RIPK3: variants seen among roughly 807,000 people sequenced by gnomAD.
RIPK3 encodes receptor-interacting serine/threonine-protein kinase 3.
In RIPK3, 51 loss-of-function variants were observed where a neutral mutation model predicts 51.6. The observed-to-expected ratio is 0.99, with a 90% confidence interval of 0.79 to 1.25. The LOEUF (loss-of-function observed/expected upper bound fraction) is 1.25, where lower values mean the gene tolerates loss of function less well. Among genes scored for constraint, RIPK3 ranks in the 50% most tolerant of loss-of-function variants. RIPK3 has a pLI of 0.00. For synonymous variants in RIPK3, 246 were observed against 257.7 expected (o/e 0.95, Z 0.44); for missense variants, 654 against 650.4 (o/e 1.01, Z -0.06).
rs761300931 is a variant in RIPK3 at position 24,336,949 on chromosome 14, C to T, written c.1276-4G>A. 2 of 1,613,618 alleles carry T rather than the reference C, an allele frequency of 1.2e-6. No individual in the cohort carries two copies. Among genetic ancestry groups the T allele is most frequent in the Non-Finnish European group, 1.7e-6 (2 of 1,179,662 alleles). ...TCATGCCTTGTCTCTCAGCCCCCTG[C>T]AAACAGCACAGAGCATCCAGTTCTG... On this transcript the variant is annotated splice_polypyrimidine_tract_variant and splice_region_variant and intron_variant, in intron 8 of 9. Coordinates refer to ENST00000216274, the MANE Select transcript of RIPK3 (RefSeq NM_006871.4).
In RIPK3 at chr14:24,339,482, C is replaced by T. The variant is rs571257852; in HGVS notation, c.136G>A (p.Asp46Asn). 65 of 1,614,212 alleles carry T rather than the reference C, an allele frequency of 4.0e-5. No individual in the cohort carries two copies. The South Asian group carries it at 6.5e-4, about 16-fold the overall frequency. ...GAGTTTACGATCTTGACCGCCACAT[C>T]GTAGCCCCACTTCCTATGTTGCGCC... The part of the protein sequence containing the change: ...FRAQHRKWGY[D>N]VAVKIVNSKA... The change falls in exon 2 of 10, where the codon GAT (aspartate) becomes AAT (asparagine). Residue 46 changes from aspartate to asparagine, a missense_variant. Transcript: ENST00000216274. This position sits in a 1 kb window ranked among gnomAD's most constrained non-coding sequence, Gnocchi z 4.0.
chr14:24,337,755 T>G lies in RIPK3; in HGVS notation c.840A>C (p.Leu280=). The change falls in exon 7 of 10, where the codon CTA becomes CTC. Residue 280 remains leucine, a synonymous_variant. Transcript: ENST00000216274. ...TCTGGAAGACTTCATCAGTTTTTGGTAGGCATTCTAGAGGGACAGCAGAGT... is the reference window on the plus strand; with the variant it reads ...TCTGGAAGACTTCATCAGTTTTTGGGAGGCATTCTAGAGGGACAGCAGAGT... ...PKDRPSFQEC[L]PKTDEVFQMV... 6.2e-7 allele frequency: 1 copy of G among 1,613,974 alleles called. No individual in the cohort carries two copies. The highest frequency in any genetic ancestry group is 8.5e-7 in the Non-Finnish European group (1 of 1,179,914).
In RIPK3 at chr14:24,339,799, C is replaced by A; in HGVS notation, c.20+8G>T. 1 of 1,579,046 alleles carries A rather than the reference C, an allele frequency of 6.3e-7. No homozygotes were observed. On this transcript the variant is annotated splice_region_variant and intron_variant, in intron 1 of 9. Coordinates refer to ENST00000216274, the MANE Select transcript of RIPK3 (RefSeq NM_006871.4). This position sits in a 1 kb window ranked among gnomAD's most constrained non-coding sequence, Gnocchi z 4.0. ...GAGGCTGCGATCGACATGCCACTCC[C>A]TACTCACCATAACTTGACGCACGAC...
At chr14:24,338,768 C>T in intron 3 of RIPK3, 1 of 784,126 alleles carries the variant, frequency 1.3e-6, no homozygotes, top group Non-Finnish European at 2.0e-6. Context: ...GCTGGGTCAG[C>T]CATGACTCTT....
At position 24,339,215 on chromosome 14, in the gene RIPK3, C is replaced by T. The variant is rs1291655611; in HGVS notation, c.271G>A (p.Ala91Thr). ...KVNWDQDPKP[A>T]LVTKFMENGS... is the part of the protein sequence containing the mutation. ...TTCTCCATGAATTTAGTCACCAGAG[C>T]CGGCTTGGGATCTTGGTCCCAGTTC... is the stretch of plus-strand genomic sequence containing the variant. Residue 91 changes from alanine (A) to threonine (T), a missense_variant, in exon 3 of 10, where the codon GCT becomes ACT. By Grantham distance (58) the Ala-to-Thr change is moderately conservative (BLOSUM62 0). Coordinates refer to ENST00000216274, the MANE Select transcript of RIPK3 (RefSeq NM_006871.4). The surrounding 1 kb of genome is among the most constrained non-coding windows in gnomAD (Gnocchi z 4.0). 6.2e-7 allele frequency: 1 copy of T among 1,614,250 alleles called. No homozygotes were observed. Among genetic ancestry groups the T allele is most frequent in the Admixed American group, 1.7e-5 (1 of 60,034 alleles).
Position 24,337,745 on chromosome 14 carries a change from C to T in RIPK3, c.850G>A (p.Asp284Asn), listed in dbSNP as rs2042150306. 1 of 1,613,796 alleles carries T rather than the reference C, an allele frequency of 6.2e-7. No homozygotes were observed. The highest frequency in any genetic ancestry group is 2.2e-5 in the East Asian group (1 of 44,884). ...TTCTCCACCATCTGGAAGACTTCAT[C>T]AGTTTTTGGTAGGCATTCTAGAGGG... ...PSFQECLPKTDEVFQMVENNM... is the reference protein window; with the variant it reads ...PSFQECLPKTNEVFQMVENNM... Residue 284 changes from aspartate to asparagine, a missense_variant, in exon 7 of 10, where the codon GAT becomes AAT. Coordinates refer to ENST00000216274, the MANE Select transcript of RIPK3 (RefSeq NM_006871.4).
In RIPK3 at chr14:24,337,716, A is replaced by C; in HGVS notation, c.879T>G (p.Asn293Lys). Residue 293 changes from asparagine to lysine, a missense_variant, in exon 7 of 10, where the codon AAT becomes AAG. By Grantham distance (94) the Asn-to-Lys change is moderately conservative (BLOSUM62 0). Transcript: ENST00000216274. ...TCACCGTGGAGACAGCAGCATTCAT[A>C]TTGTTCTCCACCATCTGGAAGACTT... is the stretch of plus-strand genomic sequence containing the variant. ...TDEVFQMVEN[N>K]MNAAVSTVKD... is the part of the protein sequence containing the mutation. The C allele has an allele frequency of 6.2e-7, 1 of 1,612,830 alleles. No homozygotes were observed. Among genetic ancestry groups the C allele is most frequent in the Non-Finnish European group, 8.5e-7 (1 of 1,179,022 alleles).
At position 24,339,218 on chromosome 14, in the gene RIPK3, G is replaced by C; in HGVS notation, c.268C>G (p.Pro90Ala). ...EKVNWDQDPK[P>A]ALVTKFMENG... The stretch of plus-strand genomic sequence containing the variant: ...TCCATGAATTTAGTCACCAGAGCCG[G>C]CTTGGGATCTTGGTCCCAGTTCACC... Residue 90 changes from proline (P) to alanine (A), a missense_variant, in exon 3 of 10, where the codon CCG (proline) becomes GCG (alanine). Physicochemically the swap from Pro to Ala is conservative, Grantham distance 27. Coordinates refer to ENST00000216274, the MANE Select transcript of RIPK3 (RefSeq NM_006871.4). The surrounding 1 kb of genome is among the most constrained non-coding windows in gnomAD (Gnocchi z 4.0). The C allele has an allele frequency of 6.2e-7, 1 of 1,614,240 alleles. No homozygotes were observed. Among genetic ancestry groups the C allele is most frequent in the Admixed American group, 1.7e-5 (1 of 60,028 alleles).
chr14:24,339,659 C>A lies in RIPK3; in HGVS notation c.21-62G>T. 2 of 1,606,014 alleles carry A rather than the reference C, an allele frequency of 1.2e-6. No homozygotes were observed. The highest frequency in any genetic ancestry group is 1.7e-6 in the Non-Finnish European group (2 of 1,174,402). Reference sequence around the variant, plus strand: ...GTGCCTCAGCGCTGCTCCCCGCGCCCCTGTGACTCGGCGTTCTCACTGCAA... The same window carrying A: ...GTGCCTCAGCGCTGCTCCCCGCGCCACTGTGACTCGGCGTTCTCACTGCAA... On this transcript the variant is annotated intron_variant, in intron 1 of 9. Coordinates refer to ENST00000216274, the MANE Select transcript of RIPK3 (RefSeq NM_006871.4). This position sits in a 1 kb window ranked among gnomAD's most constrained non-coding sequence, Gnocchi z 4.0.
Position 24,336,961 on chromosome 14 carries a change from A to G in RIPK3, c.1276-16T>C, listed in dbSNP as rs974034064. On this transcript the variant is annotated splice_polypyrimidine_tract_variant and intron_variant, in intron 8 of 9. Transcript: ENST00000216274. Reference sequence around the variant, plus strand: ...TCTCAGCCCCCTGCAAACAGCACAGAGCATCCAGTTCTGCCCTGGAGCCTG... The same window carrying G: ...TCTCAGCCCCCTGCAAACAGCACAGGGCATCCAGTTCTGCCCTGGAGCCTG... The G allele has an allele frequency of 2.6e-5, 42 of 1,613,106 alleles. No individual in the cohort carries two copies. Among genetic ancestry groups the G allele is most frequent in the Non-Finnish European group, 3.6e-5 (42 of 1,179,414 alleles).
chr14:24,337,750 T>C lies in RIPK3; in HGVS notation c.845A>G (p.Lys282Arg). 1 of 1,613,974 alleles carries C rather than the reference T, an allele frequency of 6.2e-7. No homozygotes were observed. The highest frequency in any genetic ancestry group is 8.5e-7 in the Non-Finnish European group (1 of 1,179,932). Residue 282 changes from lysine (K) to arginine (R), a missense_variant, in exon 7 of 10, where the codon AAA (lysine) becomes AGA (arginine). Lys to Arg is a conservative substitution (Grantham distance 26, BLOSUM62 2). Coordinates refer to ENST00000216274, the MANE Select transcript of RIPK3 (RefSeq NM_006871.4). ...DRPSFQECLP[K>R]TDEVFQMVEN... ...CACCATCTGGAAGACTTCATCAGTTTTTGGTAGGCATTCTAGAGGGACAGC... is the reference window on the plus strand; with the variant it reads ...CACCATCTGGAAGACTTCATCAGTTCTTGGTAGGCATTCTAGAGGGACAGC...
chr14:24,338,589 G>T (rs751345484), intron 3 of RIPK3, 22 bp from the exon 4 acceptor site: 1 of 1,585,166 alleles, frequency 6.3e-7, no homozygotes, highest in Non-Finnish European at 8.6e-7. Flanking sequence ...GGAAAGAAGT[G>T]GGAGGTAGGG....
Position 24,339,305 on chromosome 14 carries a change from C to A in RIPK3, c.181G>T (p.Val61Phe). Residue 61 changes from valine to phenylalanine, a missense_variant, in exon 3 of 10, where the codon GTC (valine) becomes TTC (phenylalanine). By Grantham distance (50) the Val-to-Phe change is conservative. Coordinates refer to ENST00000216274, the MANE Select transcript of RIPK3 (RefSeq NM_006871.4). The surrounding 1 kb of genome is among the most constrained non-coding windows in gnomAD (Gnocchi z 4.0). Reference sequence around the variant, plus strand: ...TTATCCAGACTTGCCATGGCCTTGACCTCCCTGGATATCGCCTTCCTACAC... The same window carrying A: ...TTATCCAGACTTGCCATGGCCTTGAACTCCCTGGATATCGCCTTCCTACAC... The part of the protein sequence containing the change: ...IVNSKAISRE[V>F]KAMASLDNEF... 1.9e-6 allele frequency: 3 copies of A among 1,612,246 alleles called. No individual in the cohort carries two copies. The highest frequency in any genetic ancestry group is 1.7e-6 in the Non-Finnish European group (2 of 1,178,530).
At chr14:24,336,452 G>C in intron 9 of RIPK3, 57 bp from the exon 10 acceptor site, 4 of 1,577,716 alleles carry the variant, frequency 2.5e-6, no homozygotes, top group Non-Finnish European at 3.4e-6. Context: ...AGGCCAAGTT[G>C]GGGGTGGGTG....
chr14:24,338,888 C>G (rs1028530265), intron 3 of RIPK3, 127 bp downstream of exon 3: 24 of 808,004 alleles, frequency 3.0e-5, no homozygotes, highest in African/African-American at 5.2e-5. Flanking sequence ...CCTGGCAGCC[C>G]TGTGTCCAGA....
In RIPK3 at chr14:24,337,739, C is replaced by T. The variant is rs760490173; in HGVS notation, c.856G>A (p.Val286Ile). Residue 286 changes from valine (V) to isoleucine (I), a missense_variant, in exon 7 of 10, where the codon GTC becomes ATC. Val to Ile is a conservative substitution (Grantham distance 29, BLOSUM62 3). Coordinates refer to ENST00000216274, the MANE Select transcript of RIPK3 (RefSeq NM_006871.4). Reference sequence around the variant, plus strand: ...ATATTGTTCTCCACCATCTGGAAGACTTCATCAGTTTTTGGTAGGCATTCT... The same window carrying T: ...ATATTGTTCTCCACCATCTGGAAGATTTCATCAGTTTTTGGTAGGCATTCT... ...FQECLPKTDE[V>I]FQMVENNMNA... The T allele has an allele frequency of 3.7e-6, 6 of 1,613,852 alleles. No homozygotes were observed. Among genetic ancestry groups the T allele is most frequent in the Non-Finnish European group, 5.1e-6 (6 of 1,179,838 alleles).
Position 24,337,160 on chromosome 14 carries a change from T to A in RIPK3, c.1201A>T (p.Thr401Ser), listed in dbSNP as rs201121076. ...SMAQPPQTPETSTFRNQMPSP... is the reference protein window; with the variant it reads ...SMAQPPQTPESSTFRNQMPSP... ...GGCATCTGGTTTCTGAAAGTTGAGG[T>A]CTCTGGAGTCTGGGGAGGTTGGGCC... Residue 401 changes from threonine to serine, a missense_variant, in exon 8 of 10, where the codon ACC becomes TCC. Thr to Ser is a moderately conservative substitution (Grantham distance 58). Coordinates refer to ENST00000216274, the MANE Select transcript of RIPK3 (RefSeq NM_006871.4). The A allele has an allele frequency of 9.2e-5, 148 of 1,611,968 alleles. No homozygotes were observed. Among genetic ancestry groups the A allele is most frequent in the South Asian group, 7.1e-4 (65 of 91,078 alleles).
intron 5 of RIPK3, 50 bp from the exon 6 acceptor site, chr14:24,338,090 A>T: frequency 1.2e-6 from 2 of 1,613,384 alleles, no homozygotes; most frequent in Admixed American, 1.7e-5. Flanking sequence ...GGTAAAAGGG[A>T]ATTATCTGCT....
chr14:24,338,978 C>T (rs747302685), intron 3 of RIPK3, 37 bp downstream of exon 3: 1 of 1,562,524 alleles, frequency 6.4e-7, no homozygotes, highest in Non-Finnish European at 8.8e-7. Context: ...GCTCTGGGGC[C>T]TTGTCTTGAG....
Sources: gnomAD v4.1 joint callset for allele counts on GRCh38, gnomAD v4.1.1 for gene constraint, Gnocchi (gnomAD v3.1) non-coding constraint, MANE v1.5 for transcripts, NCBI Gene and HGNC (gene_info 2026-07-23, HGNC 2026-07-21) for gene names.